SLC24A2: variants seen among roughly 807,000 people sequenced by gnomAD.
The protein encoded by SLC24A2 is solute carrier family 24 member 2.
In SLC24A2, 36 loss-of-function variants were observed where a neutral mutation model predicts 62.0. That is an observed-to-expected ratio of 0.58 (90% confidence interval 0.44 to 0.77). The LOEUF is 0.77. SLC24A2 is among the 30% of genes least tolerant of loss of function. SLC24A2 has a pLI of 0.00. For synonymous variants in SLC24A2, 358 were observed against 294.0 expected (o/e 1.22, Z -2.23); for missense variants, 846 against 817.9 (o/e 1.03, Z -0.42).
chr9:19,609,959 C>T (rs537100391), intron 4 of SLC24A2, among the ~76,000 whole-genome samples: 52 of 152,268 alleles, frequency 3.4e-4, no homozygotes, highest in Non-Finnish European at 6.6e-4. Flanking sequence ...GGAGCTCAGG[C>T]GGTCATGCTC....
chr9:19,717,210 G>A (rs1820885416), intron 2 of SLC24A2, among the ~76,000 whole-genome samples: 2 of 152,216 alleles, frequency 1.3e-5, no homozygotes, highest in South Asian at 4.1e-4. Flanking sequence ...AGGGCTCCAA[G>A]TTTTGCAGTG....
At chr9:20,176,460 T>C in the SLC24A2 span, among the ~76,000 whole-genome samples, 1 of 151,916 alleles carries the variant, frequency 6.6e-6, no homozygotes, top group African/African-American at 2.4e-5. Context: ...TCAATAAAGG[T>C]TTTGGAGAGT....
intron 2 of SLC24A2, among the ~76,000 whole-genome samples, chr9:19,741,692 G>A (rs1821683308): frequency 1.3e-5 from 2 of 152,122 alleles, no homozygotes; most frequent in Admixed American, 1.3e-4. Context: ...GAAGATGTGA[G>A]TTCTGCCTCC....
chr9:19,920,496 T>C, the SLC24A2 span, among the ~76,000 whole-genome samples: 1 of 152,056 alleles, frequency 6.6e-6, no homozygotes, highest in Admixed American at 6.5e-5. Flanking sequence ...AGTACTGCCA[T>C]GGAAGTGAGG....
chr9:19,948,819 T>A, the SLC24A2 span, among the ~76,000 whole-genome samples: 2 of 117,802 alleles, frequency 1.7e-5, no homozygotes, highest in Middle Eastern at 6.6e-3. Context: ...CACTCCCGCC[T>A]GGGCAACAGA....
At chr9:20,065,120 C>A in the SLC24A2 span, among the ~76,000 whole-genome samples, 1 of 152,176 alleles carries the variant, frequency 6.6e-6, no homozygotes, top group Non-Finnish European at 1.5e-5. Context: ...AACAACGAAT[C>A]CTACAGCTCA....
At chr9:19,916,910 A>C in the SLC24A2 span, among the ~76,000 whole-genome samples, 1 of 150,452 alleles carries the variant, frequency 6.6e-6, no homozygotes, top group Admixed American at 6.6e-5. Context: ...TTTTATGGTT[A>C]AATTCTGTAC....
At chr9:19,958,349 C>G in the SLC24A2 span, among the ~76,000 whole-genome samples, 31 of 152,158 alleles carry the variant, frequency 2.0e-4, no homozygotes, top group African/African-American at 7.2e-4. Flanking sequence ...GGAACACCAC[C>G]CAGCTGTTGC....
At position 19,718,138 on chromosome 9, in the gene SLC24A2, G is replaced by A. The variant is rs144374356; in HGVS notation, c.930+67799C>T. ...ATTACAGGCACATGCTGCCACACCC[G>A]GCTAATTTTTGTATTTTTAGTAGAG... On this transcript the variant is annotated intron_variant, in intron 2 of 10. Coordinates refer to ENST00000341998, the MANE Select transcript of SLC24A2 (RefSeq NM_020344.4). Among the ~76,000 whole-genome samples, 1,259 of 151,602 alleles carry A rather than the reference G, an allele frequency of 8.3e-3. 20 individuals are homozygous for A. The highest frequency in any genetic ancestry group is 0.029 in the African/African-American group (1,186 of 41,334).
chr9:20,044,238 C>T, the SLC24A2 span, among the ~76,000 whole-genome samples: 3 of 152,038 alleles, frequency 2.0e-5, no homozygotes, highest in South Asian at 2.1e-4. Context: ...TTTACATGCA[C>T]GACGAAACCA....
chr9:20,018,812 C>G, the SLC24A2 span, among the ~76,000 whole-genome samples: 1 of 151,618 alleles, frequency 6.6e-6, no homozygotes, highest in Non-Finnish European at 1.5e-5. Context: ...ACCTATAATC[C>G]CAACACTTTG....
chr9:19,724,267 G>T (rs1347233132), intron 2 of SLC24A2, among the ~76,000 whole-genome samples: 1 of 152,188 alleles, frequency 6.6e-6, no homozygotes, highest in Admixed American at 6.5e-5. Context: ...TAAGTGCATA[G>T]CTGATGTTGC....
chr9:19,763,303 T>C (rs1822402985), intron 2 of SLC24A2, among the ~76,000 whole-genome samples: 1 of 152,222 alleles, frequency 6.6e-6, no homozygotes. Flanking sequence ...TTGAATACCC[T>C]TTGTTTCTTT....
At chr9:20,107,504 T>A in the SLC24A2 span, among the ~76,000 whole-genome samples, 1 of 151,990 alleles carries the variant, frequency 6.6e-6, no homozygotes, top group East Asian at 1.9e-4. Context: ...GAGATATAGA[T>A]CAATGGAACA....
chr9:20,273,507 A>G, the SLC24A2 span, among the ~76,000 whole-genome samples: 1 of 152,158 alleles, frequency 6.6e-6, no homozygotes, highest in Non-Finnish European at 1.5e-5. Context: ...AGTCTTTCCC[A>G]TGCTGTTCTC....
At chr9:19,693,951 T>G (rs1161494296) in intron 2 of SLC24A2, among the ~76,000 whole-genome samples, 1 of 151,968 alleles carries the variant, frequency 6.6e-6, no homozygotes, top group Admixed American at 6.6e-5. Context: ...GGAGGAAAAA[T>G]GGTCAATAGA....
chr9:19,951,329 T>G, the SLC24A2 span, among the ~76,000 whole-genome samples: 14 of 151,974 alleles, frequency 9.2e-5, no homozygotes, highest in East Asian at 5.8e-4. Flanking sequence ...AACAGTGTCT[T>G]TAGAAGAGGA....
the SLC24A2 span, among the ~76,000 whole-genome samples, chr9:20,021,241 T>A: frequency 6.6e-6 from 1 of 152,162 alleles, no homozygotes; most frequent in South Asian, 2.1e-4. Flanking sequence ...GATACATGCA[T>A]GTTAGCGTGT....
chr9:19,906,919 C>T, the SLC24A2 span, among the ~76,000 whole-genome samples: 3 of 152,202 alleles, frequency 2.0e-5, no homozygotes, highest in Non-Finnish European at 2.9e-5. Context: ...TGGCACCATT[C>T]CTTCTGAAAC....
Sources: gnomAD v4.1 joint callset for allele counts (sites outside exome capture counted in the v4.1 genomes callset) on GRCh38, gnomAD v4.1.1 for gene constraint, MANE v1.5 for transcripts, NCBI Gene and HGNC (gene_info 2026-07-23, HGNC 2026-07-21) for gene names.